ERMP1: variants seen among roughly 807,000 people sequenced by gnomAD.
The protein encoded by ERMP1 is Felix-ina.
In ERMP1, 86 loss-of-function variants were observed where a neutral mutation model predicts 92.0. That is an observed-to-expected ratio of 0.93 (90% confidence interval 0.79 to 1.12). The LOEUF is 1.12. Among genes scored for constraint, ERMP1 ranks in the 50% most tolerant of loss-of-function variants. The pLI, the probability that ERMP1 is intolerant of heterozygous loss-of-function variation, is 0.00. For synonymous variants in ERMP1, 530 were observed against 412.8 expected (o/e 1.28, Z -3.44); for missense variants, 1,342 against 1,116.3 (o/e 1.20, Z -2.88).
At chr9:5,842,434 C>CAAAAAAAAAAA (rs57411750) in intron 6 of ERMP1, among the ~76,000 whole-genome samples, 21 of 107,744 alleles carry the variant, frequency 1.9e-4, no homozygotes, top group East Asian at 1.5e-3. Flanking sequence ...GAGACTGTCT[C>CAAAAAAAAAAA]AAAAAAAAAA....
intron 10 of ERMP1, among the ~76,000 whole-genome samples, chr9:5,801,817 A>G (rs779785090): frequency 9.2e-5 from 14 of 152,244 alleles, no homozygotes; most frequent in Admixed American, 7.2e-4. Flanking sequence ...GTGGACCTGC[A>G]TAAGAGGAAA....
At chr9:5,800,858 A>C (rs1050106731) in intron 11 of ERMP1, among the ~76,000 whole-genome samples, 17 of 152,218 alleles carry the variant, frequency 1.1e-4, no homozygotes, top group African/African-American at 3.9e-4. Flanking sequence ...ACATTTTTAC[A>C]ATCTATATTT....
Position 5,825,171 on chromosome 9 carries a change from C to A in ERMP1, c.689G>T (p.Arg230Leu). 6.2e-7 allele frequency: 1 copy of A among 1,614,012 alleles called. No homozygotes were observed. Among genetic ancestry groups the A allele is most frequent in the East Asian group, 2.2e-5 (1 of 44,884 alleles). The change falls in exon 3 of 15, where the codon CGC (arginine) becomes CTC (leucine). Residue 230 changes from arginine to leucine, a missense_variant. Physicochemically the swap from Arg to Leu is moderately radical, Grantham distance 102. Transcript: ENST00000339450. ...VSCSVMLEVL[R>L]VLSTSSEALH... ...GGCTTCTGAAGATGTTGACAAGACG[C>A]GAAGGACTTCCAGCATCACTGAGCA...
chr9:5,810,997 A>C, intron 7 of ERMP1, 114 bp downstream of exon 7: 1 of 657,596 alleles, frequency 1.5e-6, no homozygotes, highest in South Asian at 2.4e-5. Context: ...ATATAAAGCA[A>C]ACATTGTCTT....
chr9:5,786,480 G>A lies in ERMP1; in HGVS notation c.*664C>T, dbSNP rs1359087195. On this transcript the variant is annotated 3_prime_UTR_variant, in exon 15 of 15. Coordinates refer to ENST00000339450, the MANE Select transcript of ERMP1 (RefSeq NM_024896.3). ...AAAACAGGCATAGAAAACCACCTCA[G>A]GAAAGCAGCACAGCAGTGCATCTGT... is the stretch of plus-strand genomic sequence containing the variant. 1.3e-5 allele frequency: 2 copies of A among 152,412 alleles called. No homozygotes were observed. Among genetic ancestry groups the A allele is most frequent in the African/African-American group, 4.8e-5 (2 of 41,458 alleles). The allele number at this position is 152,412 out of a possible 1,614,324, so 9.4% of individuals were successfully genotyped here. A position where few individuals can be genotyped will look rare whatever the true frequency, so the allele number is the denominator to read the frequency against.
chr9:5,813,453 C>T (rs960998887), intron 4 of ERMP1, among the ~76,000 whole-genome samples: 1 of 152,122 alleles, frequency 6.6e-6, no homozygotes, highest in Non-Finnish European at 1.5e-5. Flanking sequence ...TTGCTAGATA[C>T]AAATTGGGTA....
chr9:5,834,911 T>G (rs1438495125), upstream of ERMP1, among the ~76,000 whole-genome samples: 1 of 147,914 alleles, frequency 6.8e-6, no homozygotes, highest in African/African-American at 2.5e-5. Flanking sequence ...GTAATGCAGA[T>G]GATACCTGCC....
intron 6 of ERMP1, among the ~76,000 whole-genome samples, chr9:5,847,470 C>G (rs543423127): frequency 6.6e-6 from 1 of 152,258 alleles, no homozygotes; most frequent in Non-Finnish European, 1.5e-5. Flanking sequence ...ACCTCCTGAG[C>G]TCAAGTGATC....
At chr9:5,821,071 ACCC>A (rs1829517251) in intron 4 of ERMP1, among the ~76,000 whole-genome samples, 1 of 152,216 alleles carries the variant, frequency 6.6e-6, no homozygotes, top group African/African-American at 2.4e-5. Context: ...TTTGTATGAC[ACCC>A]CTCCAAAAAA....
In ERMP1 at chr9:5,865,748, G is replaced by C. The variant is rs142026284; in HGVS notation, n.3055+2054C>G. 8.3e-3 allele frequency among the ~76,000 whole-genome samples: 1,216 copies of C among 146,848 alleles called. 15 individuals are homozygous for C. The highest frequency in any genetic ancestry group is 0.029 in the African/African-American group (1,141 of 39,760). Reference sequence around the variant, plus strand: ...AGCTACTCGGGAGGCTGAGGCATGAGAATCGCTGGAAACTGGGAGGAGGAG... The same window carrying C: ...AGCTACTCGGGAGGCTGAGGCATGACAATCGCTGGAAACTGGGAGGAGGAG... On this transcript the variant is annotated intron_variant and non_coding_transcript_variant, in intron 5 of 6. Transcript: ENST00000690753.
rs1442524051 is a variant in ERMP1 at position 5,787,464 on chromosome 9, T to A, written c.2516A>T (p.Gln839Leu). Residue 839 changes from glutamine (Q) to leucine (L), a missense_variant, in exon 14 of 15, where the codon CAG becomes CTG. Gln to Leu is a moderately radical substitution (Grantham distance 113). Coordinates refer to ENST00000339450, the MANE Select transcript of ERMP1 (RefSeq NM_024896.3). ...DYFVFYSHGLQASAWQFWIEV... is the reference protein window; with the variant it reads ...DYFVFYSHGLLASAWQFWIEV... ...TATCCAGAACTGCCATGCAGAGGCC[T>A]GGAGTCCATGGGAGTAAAAGACAAA... 6.2e-7 allele frequency: 1 copy of A among 1,614,122 alleles called. No individual in the cohort carries two copies.
chr9:5,822,109 G>A (rs950862807), intron 4 of ERMP1, among the ~76,000 whole-genome samples: 11 of 151,998 alleles, frequency 7.2e-5, no homozygotes, highest in African/African-American at 1.7e-4. Context: ...GAAATTAGCC[G>A]GGCATGGTGG....
chr9:5,835,362 A>ACGCATG (rs573104413), upstream of ERMP1, among the ~76,000 whole-genome samples: 6 of 117,980 alleles, frequency 5.1e-5, no homozygotes, highest in African/African-American at 1.6e-4. Context: ...GCGCGCGCGC[A>ACGCATG]TGTGTGTGTG....
At chr9:5,828,222 T>C (rs1292452810) in intron 2 of ERMP1, among the ~76,000 whole-genome samples, 1 of 152,228 alleles carries the variant, frequency 6.6e-6, no homozygotes, top group African/African-American at 2.4e-5. Flanking sequence ...ATACAATCTG[T>C]AACATTTGGC....
chr9:5,822,174 C>T (rs921206533), intron 4 of ERMP1, among the ~76,000 whole-genome samples: 1 of 152,088 alleles, frequency 6.6e-6, no homozygotes, highest in Non-Finnish European at 1.5e-5. Flanking sequence ...ATGTCTTGAG[C>T]TCTCAAGGCA....
At chr9:5,824,029 T>C (rs1563768426) in intron 3 of ERMP1, 28 bp from the exon 4 acceptor site, 4 of 1,549,376 alleles carry the variant, frequency 2.6e-6, no homozygotes, top group Non-Finnish European at 3.6e-6. Flanking sequence ...AAAACAAATA[T>C]TTGTTAAACA....
At position 5,833,065 on chromosome 9, in the gene ERMP1, C is replaced by G; in HGVS notation, c.-38G>C. ...CAGCTGCCAGCCCAACCGCCCCAAC[C>G]CGCGACAGCCCCGGCCGCCGCCGAC... On this transcript the variant is annotated 5_prime_UTR_variant, in exon 1 of 15. Coordinates refer to ENST00000339450, the MANE Select transcript of ERMP1 (RefSeq NM_024896.3). 7.1e-7 allele frequency: 1 copy of G among 1,412,220 alleles called. No individual in the cohort carries two copies. Among genetic ancestry groups the G allele is most frequent in the Non-Finnish European group, 9.2e-7 (1 of 1,092,458 alleles). The allele number at this position is 1,412,220 out of a possible 1,614,324, so 87.5% of individuals were successfully genotyped here.
Position 5,798,933 on chromosome 9 carries a change from CA to C in ERMP1, c.2142del (p.Phe714LeufsTer9), listed in dbSNP as rs763605083. ...GTTATGTGAGAAATTCCAGTATAAT[CA>C]AACCCATTGATCCATATTCCAGAGT... ...KRDSGIWING[F>X]DYTGISHITP... On this transcript the variant is annotated frameshift_variant, in exon 12 of 15. Transcript: ENST00000339450. LOFTEE classifies it high-confidence loss of function. 2 of 1,612,972 alleles carry C rather than the reference CA, an allele frequency of 1.2e-6. No homozygotes were observed. Among genetic ancestry groups the C allele is most frequent in the Non-Finnish European group, 1.7e-6 (2 of 1,179,126 alleles).
At chr9:5,813,110 T>C (rs1436157177) in intron 4 of ERMP1, 75 bp from the exon 5 acceptor site, 14 of 1,511,180 alleles carry the variant, frequency 9.3e-6, no homozygotes, top group African/African-American at 2.8e-5. Flanking sequence ...TTTCAACACA[T>C]AGAAAACAGT....
Sources: allele counts gnomAD v4.1 joint callset (sites outside exome capture counted in the v4.1 genomes callset), GRCh38; gene constraint gnomAD v4.1.1; transcripts MANE v1.5; gene names NCBI Gene and HGNC (gene_info 2026-07-23, HGNC 2026-07-21).